SH3GL2: variants seen among roughly 807,000 people sequenced by gnomAD.
SH3GL2 encodes the protein SH3 domain containing GRB2 like 2, endophilin A1.
SH3GL2 carries 24 observed loss-of-function variants against 46.0 expected under a neutral mutation model. The ratio of observed to expected loss-of-function variants is 0.52; its 90% CI spans 0.38 to 0.73. The LOEUF is 0.73. Ranked by LOEUF, SH3GL2 falls within the 30% of genes least tolerant of loss-of-function variation. SH3GL2 has a pLI of 0.00. For synonymous variants in SH3GL2, 196 were observed against 147.1 expected (o/e 1.33, Z -2.40); for missense variants, 413 against 424.2 (o/e 0.97, Z 0.23).
At chr9:17,598,176 G>C (rs894900906) in intron 1 of SH3GL2, among the ~76,000 whole-genome samples, 1 of 152,156 alleles carries the variant, frequency 6.6e-6, no homozygotes, top group South Asian at 2.1e-4. Context: ...AGCTGGGGAA[G>C]CTCTCACCAG....
At chr9:17,694,767 T>TA (rs1491160115) in intron 1 of SH3GL2, among the ~76,000 whole-genome samples, 2 of 152,188 alleles carry the variant, frequency 1.3e-5, no homozygotes, top group Non-Finnish European at 2.9e-5. Context: ...TTCCTTAAGG[T>TA]ATTGCTCTGG....
chr9:17,657,986 C>A (rs1820128699), intron 1 of SH3GL2, among the ~76,000 whole-genome samples: 1 of 152,162 alleles, frequency 6.6e-6, no homozygotes. Context: ...TATTGTTGGA[C>A]AGTTGTTGTA....
intron 1 of SH3GL2, chr9:17,590,672 C>G (rs1818465503): frequency 6.6e-6 from 1 of 151,602 alleles, no homozygotes; most frequent in African/African-American, 2.4e-5. Flanking sequence ...ATGGAAAGCT[C>G]CTTTTCCCTA....
intron 1 of SH3GL2, among the ~76,000 whole-genome samples, chr9:17,636,190 C>T (rs967552725): frequency 6.6e-6 from 1 of 152,138 alleles, no homozygotes; most frequent in East Asian, 1.9e-4. Context: ...AAGTATCTAG[C>T]ATGGGATAAC....
At chr9:17,731,376 A>C (rs7874127) in intron 1 of SH3GL2, among the ~76,000 whole-genome samples, 1 of 141,296 alleles carries the variant, frequency 7.1e-6, no homozygotes, top group Non-Finnish European at 1.5e-5. Flanking sequence ...TGTGCCCTTA[A>C]AAGAAGAGGA....
At chr9:17,674,942 A>G (rs928821727) in intron 1 of SH3GL2, among the ~76,000 whole-genome samples, 7 of 152,146 alleles carry the variant, frequency 4.6e-5, no homozygotes, top group African/African-American at 1.2e-4. Flanking sequence ...CCCAGATTCA[A>G]GGGATGGGGA....
intron 1 of SH3GL2, among the ~76,000 whole-genome samples, chr9:17,687,693 A>T (rs918788236): frequency 6.6e-6 from 1 of 151,618 alleles, no homozygotes; most frequent in Non-Finnish European, 1.5e-5. Flanking sequence ...TGTCCTGGTG[A>T]TAAAGTTTAA....
intron 1 of SH3GL2, among the ~76,000 whole-genome samples, chr9:17,620,464 C>T (rs1004125735): frequency 3.3e-5 from 5 of 152,136 alleles, no homozygotes; most frequent in African/African-American, 1.2e-4. Flanking sequence ...ATTATTGTAT[C>T]CATTTAACTG....
intron 2 of SH3GL2, among the ~76,000 whole-genome samples, chr9:17,750,606 T>A (rs1047362852): frequency 2.0e-5 from 3 of 152,200 alleles, no homozygotes; most frequent in Non-Finnish European, 2.9e-5. Context: ...AAATGCTGTC[T>A]GTTGCTTACA....
chr9:17,762,196 C>A (rs969016956), intron 3 of SH3GL2, among the ~76,000 whole-genome samples: 1 of 152,066 alleles, frequency 6.6e-6, no homozygotes, highest in African/African-American at 2.4e-5. Flanking sequence ...CAGTTTCTAA[C>A]CACAGGGCAC....
chr9:17,598,508 G>A (rs547417741), intron 1 of SH3GL2, among the ~76,000 whole-genome samples: 1 of 152,302 alleles, frequency 6.6e-6, no homozygotes, highest in East Asian at 1.9e-4. Flanking sequence ...GAAGAAACCA[G>A]GCCTTTGCAG....
chr9:17,742,426 T>C (rs999232834), intron 1 of SH3GL2, among the ~76,000 whole-genome samples: 4 of 152,216 alleles, frequency 2.6e-5, no homozygotes, highest in African/African-American at 7.2e-5. Context: ...GGAAAAAATA[T>C]AGCATAAGAC....
intron 1 of SH3GL2, among the ~76,000 whole-genome samples, chr9:17,713,837 A>G (rs1013752372): frequency 2.0e-5 from 3 of 151,714 alleles, no homozygotes; most frequent in South Asian, 4.1e-4. Context: ...TACACTTCAG[A>G]ATAATTTATA....
intron 1 of SH3GL2, among the ~76,000 whole-genome samples, chr9:17,696,214 T>A (rs911265884): frequency 6.6e-6 from 1 of 152,198 alleles, no homozygotes; most frequent in African/African-American, 2.4e-5. Flanking sequence ...AGAACATTTT[T>A]AAAATCTAGC....
rs187826261 is a variant in SH3GL2 at position 17,672,027 on chromosome 9, A to G, written c.46-75039A>G. Among the ~76,000 whole-genome samples, 23 of 152,326 alleles carry G rather than the reference A, an allele frequency of 1.5e-4. No homozygotes were observed. The East Asian group carries it at 2.1e-3, about 14-fold the overall frequency. ...ATCAACTAGCAGTTACCCACTGACT[A>G]ATATCAGAGCCCAGTGTGTTACATG... On this transcript the variant is annotated intron_variant, in intron 1 of 8. Coordinates refer to ENST00000380607, the MANE Select transcript of SH3GL2 (RefSeq NM_003026.5).
At chr9:17,600,132 C>T (rs987973223) in intron 1 of SH3GL2, among the ~76,000 whole-genome samples, 1 of 152,036 alleles carries the variant, frequency 6.6e-6, no homozygotes, top group Non-Finnish European at 1.5e-5. Context: ...AGTTTAGACA[C>T]AAAAAAGTAC....
At chr9:17,625,464 T>G (rs528579228) in intron 1 of SH3GL2, among the ~76,000 whole-genome samples, 31 of 152,334 alleles carry the variant, frequency 2.0e-4, no homozygotes, top group African/African-American at 7.0e-4. Context: ...ATGGAGCTAT[T>G]TAAAACGCAT....
chr9:17,777,607 T>C (rs1823677905), intron 3 of SH3GL2, among the ~76,000 whole-genome samples: 3 of 151,860 alleles, frequency 2.0e-5, no homozygotes. Context: ...ATGTTTTAAT[T>C]TCTGATGAGG....
At chr9:17,773,054 G>A (rs1033366568) in intron 3 of SH3GL2, among the ~76,000 whole-genome samples, 1 of 152,030 alleles carries the variant, frequency 6.6e-6, no homozygotes, top group African/African-American at 2.4e-5. Context: ...GTATCTCATT[G>A]TAGTTTTGAT....
Sources: allele counts gnomAD v4.1 joint callset (sites outside exome capture counted in the v4.1 genomes callset), GRCh38; gene constraint gnomAD v4.1.1; transcripts MANE v1.5; gene names NCBI Gene and HGNC (gene_info 2026-07-23, HGNC 2026-07-21).